The following ZNF148 variants were observed in gnomAD, a reference collection of about 807,000 sequenced individuals.
ZNF148 encodes zinc finger protein 148.
ZNF148 carries 7 observed loss-of-function variants against 67.7 expected under a neutral mutation model. The ratio of observed to expected loss-of-function variants is 0.10; its 90% confidence interval spans 0.06 to 0.19. The LOEUF is 0.19. Among genes scored for constraint, ZNF148 ranks in the 10% least tolerant of loss-of-function variants. The pLI, the probability that ZNF148 is intolerant of heterozygous loss-of-function variation, is 1.00. For missense variants in ZNF148, 583 were observed against 947.1 expected (o/e 0.62, Z 5.05); for synonymous variants, 333 against 330.7 (o/e 1.01, Z -0.08).
intron 3 of ZNF148, among the ~76,000 whole-genome samples, chr3:125,320,617 C>CT (rs1559754314): frequency 6.6e-6 from 1 of 152,186 alleles, no homozygotes; most frequent in Admixed American, 6.5e-5. Context: ...TCATCATCGT[C>CT]TTTTGTATAA....
chr3:125,292,954 G>A (rs1939092602), intron 4 of ZNF148, among the ~76,000 whole-genome samples: 2 of 152,154 alleles, frequency 1.3e-5, no homozygotes, highest in South Asian at 4.1e-4. Flanking sequence ...TATTAAGCCA[G>A]ATAATAAAGA....
intron 7 of ZNF148, among the ~76,000 whole-genome samples, chr3:125,241,154 T>TTATGGATTAGGGA (rs1173464471): frequency 6.6e-6 from 1 of 152,052 alleles, no homozygotes; most frequent in East Asian, 1.9e-4. Context: ...GGATCCCTAT[T>TTATGGATTAGGGA]TATGGATTAG....
intron 2 of ZNF148, among the ~76,000 whole-genome samples, chr3:125,323,752 A>T (rs1468974873): frequency 6.6e-6 from 1 of 152,068 alleles, no homozygotes; most frequent in African/African-American, 2.4e-5. Flanking sequence ...CGAGGTCAGG[A>T]GATTGAGACC....
chr3:125,228,356 G>GC lies in ZNF148; in HGVS notation c.*3984dup, dbSNP rs1453420999. 2 of 152,518 alleles carry GC rather than the reference G, an allele frequency of 1.3e-5. No homozygotes were observed. Among genetic ancestry groups the GC allele is most frequent in the African/African-American group, 4.8e-5 (2 of 41,428 alleles). The allele number at this position is 152,518 out of a possible 1,614,324, so 9.4% of individuals were successfully genotyped here. A position where few individuals can be genotyped will look rare whatever the true frequency, so the allele number is the denominator to read the frequency against. On this transcript the variant is annotated 3_prime_UTR_variant, in exon 9 of 9. Coordinates refer to ENST00000360647, the MANE Select transcript of ZNF148 (RefSeq NM_021964.3). The stretch of plus-strand genomic sequence containing the variant: ...AAGTCAGATTTAGCCTGTCTCCCCT[G>GC]CAACTTCAATTATGCTGTGTAAACA...
chr3:125,272,163 G>T (rs1937778699), intron 7 of ZNF148, among the ~76,000 whole-genome samples: 1 of 152,126 alleles, frequency 6.6e-6, no homozygotes, highest in Non-Finnish European at 1.5e-5. Context: ...CTTCCATGAA[G>T]ACACCAATCT....
chr3:125,261,026 T>C (rs1937311558), intron 7 of ZNF148, among the ~76,000 whole-genome samples: 1 of 152,042 alleles, frequency 6.6e-6, no homozygotes, highest in Non-Finnish European at 1.5e-5. Flanking sequence ...GTGGGGGAAG[T>C]GTTGGAGGTT....
At position 125,322,054 on chromosome 3, in the gene ZNF148, G is replaced by A. The variant is rs35801712; in HGVS notation, c.-17+1255C>T. On this transcript the variant is annotated intron_variant, in intron 3 of 8. Coordinates refer to ENST00000360647, the MANE Select transcript of ZNF148 (RefSeq NM_021964.3). Reference sequence around the variant, plus strand: ...TTTTTTTTTTTTTTTTTTTTTGAGAGAGAGTCTCGCTCTCACCCAGGCTGG... The same window carrying A: ...TTTTTTTTTTTTTTTTTTTTTGAGAAAGAGTCTCGCTCTCACCCAGGCTGG... Among the ~76,000 whole-genome samples the A allele has an allele frequency of 3.3e-4, 36 of 107,898 alleles. No homozygotes were observed. The East Asian group carries it at 9.2e-3, about 28-fold the overall frequency. The allele number at this position is 107,898 out of a possible 152,430, so 70.8% of individuals were successfully genotyped here.
chr3:125,344,302 C>T (rs935549097), intron 1 of ZNF148: 1 of 486,322 alleles, frequency 2.1e-6, no homozygotes, highest in Non-Finnish European at 3.8e-6. Flanking sequence ...GCCCCCATGA[C>T]CTAGTGACCT....
At chr3:125,372,571 T>C (rs758209550) in intron 1 of ZNF148, among the ~76,000 whole-genome samples, 8 of 152,192 alleles carry the variant, frequency 5.3e-5, no homozygotes, top group Non-Finnish European at 8.8e-5. Flanking sequence ...AAATACAAAA[T>C]TAATGCTTAA....
intron 1 of ZNF148, among the ~76,000 whole-genome samples, chr3:125,374,112 G>A (rs755700930): frequency 1.3e-5 from 2 of 152,062 alleles, no homozygotes; most frequent in South Asian, 2.1e-4. Flanking sequence ...CCTTTCTCAA[G>A]GTCTGCTTCA....
intron 1 of ZNF148, among the ~76,000 whole-genome samples, chr3:125,371,240 C>G (rs1421836074): frequency 6.6e-6 from 1 of 151,508 alleles, no homozygotes; most frequent in African/African-American, 2.4e-5. Flanking sequence ...CCTGTATTCC[C>G]GGCTACTTGT....
intron 1 of ZNF148, among the ~76,000 whole-genome samples, chr3:125,340,860 C>T (rs1036468347): frequency 6.0e-5 from 9 of 149,990 alleles, no homozygotes; most frequent in Non-Finnish European, 1.0e-4. Context: ...TAGTGGCGGG[C>T]GCCTGTAGTC....
At chr3:125,259,862 C>T (rs768244839) in intron 7 of ZNF148, among the ~76,000 whole-genome samples, 4 of 152,170 alleles carry the variant, frequency 2.6e-5, no homozygotes, top group South Asian at 2.1e-4. Flanking sequence ...TGGCTTTCAA[C>T]GTATCTTCCT....
At chr3:125,363,214 T>C (rs899658625) in intron 1 of ZNF148, among the ~76,000 whole-genome samples, 4 of 152,242 alleles carry the variant, frequency 2.6e-5, no homozygotes, top group Non-Finnish European at 5.9e-5. Context: ...TAATGATTTC[T>C]TTTTAACTAG....
intron 3 of ZNF148, among the ~76,000 whole-genome samples, chr3:125,320,008 G>C (rs921078622): frequency 6.6e-6 from 1 of 152,146 alleles, no homozygotes; most frequent in Non-Finnish European, 1.5e-5. Flanking sequence ...GCTACTATGG[G>C]AGAACTTTCC....
chr3:125,272,010 T>C (rs1459087348), intron 7 of ZNF148, among the ~76,000 whole-genome samples: 5 of 152,200 alleles, frequency 3.3e-5, no homozygotes, highest in Admixed American at 2.6e-4. Flanking sequence ...TTCAGTACAC[T>C]GTAGATTTTC....
At chr3:125,334,719 G>A (rs893226525) in intron 1 of ZNF148, among the ~76,000 whole-genome samples, 16 of 152,110 alleles carry the variant, frequency 1.1e-4, no homozygotes, top group African/African-American at 3.6e-4. Flanking sequence ...GTAGTAAGAG[G>A]CAGACCCGAA....
At chr3:125,293,303 G>A (rs752889206) in intron 4 of ZNF148, among the ~76,000 whole-genome samples, 4 of 151,900 alleles carry the variant, frequency 2.6e-5, no homozygotes, top group African/African-American at 7.3e-5. Context: ...ACAGATGCCC[G>A]GGCCCTACCA....
Position 125,345,599 on chromosome 3 carries a change from C to A in ZNF148, c.-233-14361G>T, listed in dbSNP as rs532508507. ...TCAAAACTAACAACAACAACAACAA[C>A]AAAAAAAGACAAACAGAAGACACAA... On this transcript the variant is annotated intron_variant, in intron 1 of 8. Transcript: ENST00000360647. 2.7e-3 allele frequency among the ~76,000 whole-genome samples: 402 copies of A among 151,200 alleles called. 4 individuals are homozygous for A. Among genetic ancestry groups the A allele is most frequent in the South Asian group, 0.022 (105 of 4,768 alleles).
Sources: allele counts gnomAD v4.1 joint callset (sites outside exome capture counted in the v4.1 genomes callset), GRCh38; gene constraint gnomAD v4.1.1; transcripts MANE v1.5; gene names NCBI Gene and HGNC (gene_info 2026-07-23, HGNC 2026-07-21).